Variants in RPL7L1 observed in about 807,000 individuals in gnomAD.
The protein encoded by RPL7L1 is ribosomal protein uL30-like.
RPL7L1 carries 20 observed loss-of-function variants against 30.3 expected under a neutral mutation model. That is an observed-to-expected ratio of 0.66 (90% CI 0.46 to 0.96). RPL7L1 has a LOEUF of 0.96. RPL7L1 is among the 40% of genes least tolerant of loss of function. The pLI, the probability that RPL7L1 is intolerant of heterozygous loss-of-function variation, is 0.00. For missense variants in RPL7L1, 271 were observed against 314.9 expected (o/e 0.86, Z 1.05); for synonymous variants, 107 against 110.1 (o/e 0.97, Z 0.18).
intron 4 of RPL7L1, among the ~76,000 whole-genome samples, chr6:42,885,301 G>A (rs568069290): frequency 4.4e-4 from 62 of 142,188 alleles, no homozygotes; most frequent in African/African-American, 1.5e-3. Context: ...AGTGAGCTGA[G>A]ATTGTGCCAC....
In RPL7L1 at chr6:42,886,614, G is replaced by A. The variant is rs1766277794; in HGVS notation, c.*150G>A. ...GAGGAGGCTGGTACAAATAGATGGAGACCTGCTGGGATCAGTGAATGCCTG... is the reference window on the plus strand; with the variant it reads ...GAGGAGGCTGGTACAAATAGATGGAAACCTGCTGGGATCAGTGAATGCCTG... On this transcript the variant is annotated 3_prime_UTR_variant, in exon 6 of 6. Transcript: ENST00000493763. The A allele has an allele frequency of 2.3e-5, 14 of 619,508 alleles. No individual in the cohort carries two copies. In the South Asian group the frequency reaches 2.3e-4, roughly 10 times the overall value. 38.4% of individuals were successfully genotyped at this position (619,508 alleles called of 1,614,324 possible). A position where few individuals can be genotyped will look rare whatever the true frequency, so the allele number is the denominator to read the frequency against.
At chr6:42,885,900 T>C in intron 4 of RPL7L1, 74 bp from the exon 5 acceptor site, 1 of 810,338 alleles carries the variant, frequency 1.2e-6, no homozygotes, top group South Asian at 1.4e-5. Context: ...CTCTCCAACC[T>C]CTCAGCCAGG....
rs1040675474 is a variant in RPL7L1, at chr6:42,880,809, G to C, written c.42-52G>C. On this transcript the variant is annotated intron_variant, in intron 1 of 5. Transcript: ENST00000493763. ...ATTACAGGCTTGAGCCACCGAGCCC[G>C]GCCAAGTGTTCTTTTCTAAATGTTA... 16 of 1,067,166 alleles carry C rather than the reference G, an allele frequency of 1.5e-5. No individual in the cohort carries two copies. In the African/African-American group the frequency reaches 1.6e-4, roughly 11 times the overall value. The allele number at this position is 1,067,166 out of a possible 1,614,324, so 66.1% of individuals were successfully genotyped here.
chr6:42,886,159 T>C, intron 5 of RPL7L1, 76 bp downstream of exon 5: 1 of 1,383,420 alleles, frequency 7.2e-7, no homozygotes, highest in Non-Finnish European at 1.0e-6. Context: ...ATTCAGGTTG[T>C]ATTCTTCTTG....
chr6:42,883,669 G>A (rs1766163688), intron 3 of RPL7L1, 55 bp downstream of exon 3: 6 of 1,434,148 alleles, frequency 4.2e-6, no homozygotes, highest in Non-Finnish European at 4.7e-6. Context: ...TGTTGCTTAA[G>A]CTTTAGACCC....
Position 42,886,389 on chromosome 6 carries a change from G to A in RPL7L1, c.693G>A (p.Val231=). 1 of 1,598,290 alleles carries A rather than the reference G, an allele frequency of 6.3e-7. No homozygotes were observed. Among genetic ancestry groups the A allele is most frequent in the South Asian group, 1.1e-5 (1 of 90,942 alleles). ...SVARHATKNR[V]GFLKEMGTPG... is the part of the protein sequence containing the mutation. ...CCCGTCATGCTACCAAAAATAGAGT[G>A]GGCTTCCTCAAGGAGATGGGCACAC... is the stretch of plus-strand genomic sequence containing the variant. Residue 231 remains valine (V), a synonymous_variant, in exon 6 of 6, where the codon GTG becomes GTA. Coordinates refer to ENST00000493763, the MANE Select transcript of RPL7L1 (RefSeq NM_001366481.3).
chr6:42,884,012 G>GAGA (rs1414626119), intron 3 of RPL7L1: 1 of 157,040 alleles, frequency 6.4e-6, no homozygotes, highest in African/African-American at 2.4e-5. Context: ...CAGTGAAGGG[G>GAGA]AGACATTTTT....
Position 42,884,610 on chromosome 6 carries a change from C to T in RPL7L1, c.312-3C>T. On this transcript the variant is annotated splice_polypyrimidine_tract_variant and splice_region_variant and intron_variant, in intron 3 of 5. Coordinates refer to ENST00000493763, the MANE Select transcript of RPL7L1 (RefSeq NM_001366481.3). The stretch of plus-strand genomic sequence containing the variant: ...GTCTGACTTCTGTTGCTGTTCATTT[C>T]AGGATTGACGGCGTGAGTTTACTGG... The T allele has an allele frequency of 6.2e-7, 1 of 1,611,654 alleles. No homozygotes were observed. The highest frequency in any genetic ancestry group is 2.2e-5 in the East Asian group (1 of 44,880).
chr6:42,881,476 AAAT>A (rs1766078934), intron 2 of RPL7L1: 1 of 152,096 alleles, frequency 6.6e-6, no homozygotes, highest in African/African-American at 2.4e-5. Flanking sequence ...AAAAATAAAT[AAAT>A]AAATAAATAA....
chr6:42,879,864 C>G lies in RPL7L1; in HGVS notation c.-47C>G. 3.7e-6 allele frequency: 6 copies of G among 1,604,926 alleles called. No homozygotes were observed. Among genetic ancestry groups the G allele is most frequent in the Non-Finnish European group, 5.1e-6 (6 of 1,172,778 alleles). ...GAGCTAGAACAGACGTCTCTATGGT[C>G]AAGTAAACAGAGCGTGTGCTGTCTT... On this transcript the variant is annotated 5_prime_UTR_variant, in exon 1 of 6. Transcript: ENST00000493763.
intron 2 of RPL7L1, 167 bp from the exon 3 acceptor site, chr6:42,883,284 C>G (rs1249415486): frequency 2.1e-6 from 1 of 476,552 alleles, no homozygotes; most frequent in African/African-American, 2.0e-5. Flanking sequence ...TCCACCTTTA[C>G]TTTGGTTTCT....
Position 42,885,882 on chromosome 6 carries a change from G to T in RPL7L1, c.450-92G>T, listed in dbSNP as rs925390203. On this transcript the variant is annotated intron_variant, in intron 4 of 5. Coordinates refer to ENST00000493763, the MANE Select transcript of RPL7L1 (RefSeq NM_001366481.3). ...TGCTCGTTGGGAGAAGTGAGTGTGT[G>T]GGAGAACCTCTCCAACCTCTCAGCC... 9.7e-6 allele frequency: 7 copies of T among 725,072 alleles called. No individual in the cohort carries two copies. The Admixed American group carries it at 1.3e-4, about 14-fold the overall frequency. The allele number at this position is 725,072 out of a possible 1,614,324, so 44.9% of individuals were successfully genotyped here.
At chr6:42,883,761 T>C in intron 3 of RPL7L1, 147 bp downstream of exon 3, 1 of 576,092 alleles carries the variant, frequency 1.7e-6, no homozygotes, top group Non-Finnish European at 3.0e-6. Flanking sequence ...TAGTCTGCAA[T>C]ATTTGGAAGA....
intron 2 of RPL7L1, chr6:42,883,223 A>G (rs1407522828): frequency 2.6e-6 from 1 of 377,422 alleles, no homozygotes; most frequent in Admixed American, 4.3e-5. Context: ...TTAATATGTA[A>G]ACTAATTTTT....
chr6:42,883,143 T>C (rs947742658), intron 2 of RPL7L1: 2 of 209,730 alleles, frequency 9.5e-6, no homozygotes, highest in Admixed American at 5.4e-5. Context: ...ATGTCTTCAT[T>C]TAGCAAATAT....
At chr6:42,880,802 C>A in intron 1 of RPL7L1, 59 bp from the exon 2 acceptor site, 1 of 990,366 alleles carries the variant, frequency 1.0e-6, no homozygotes, top group Non-Finnish European at 1.6e-6. Context: ...CTTGAGCCAC[C>A]GAGCCCGGCC....
At position 42,886,441 on chromosome 6, in the gene RPL7L1, C is replaced by T; in HGVS notation, c.745C>T (p.Gln249Ter). 1 of 1,568,850 alleles carries T rather than the reference C, an allele frequency of 6.4e-7. No homozygotes were observed. The highest frequency in any genetic ancestry group is 8.7e-7 in the Non-Finnish European group (1 of 1,154,654). The change falls in exon 6 of 6, where the codon CAG becomes TAG. Residue 249 changes from glutamine to a stop codon, truncating the protein, a stop_gained. Transcript: ENST00000493763. LOFTEE classifies it high-confidence loss of function. ...TPGYRGERINQLIRQLN is the reference protein window; with the variant it reads ...TPGYRGERIN ...TGGCTATCGGGGTGAACGCATCAAT[C>T]AGCTCATCCGTCAGCTGAACTAGAC... is the stretch of plus-strand genomic sequence containing the variant.
chr6:42,884,437 T>C (rs1364460267), intron 3 of RPL7L1, among the ~76,000 whole-genome samples, 176 bp from the exon 4 acceptor site: 1 of 152,174 alleles, frequency 6.6e-6, no homozygotes, highest in East Asian at 1.9e-4. Context: ...CAGGCACTGC[T>C]CCACATTATG....
chr6:42,886,872 T>TAGTCCC lies in RPL7L1; in HGVS notation c.*411_*416dup, dbSNP rs1415404885. The stretch of plus-strand genomic sequence containing the variant: ...AGCTGGGTGTGGTGGCGCGTGCCTG[T>TAGTCCC]AGTCCCAGCTACTCGAGAGGCTAAG... On this transcript the variant is annotated 3_prime_UTR_variant, in exon 6 of 6. Coordinates refer to ENST00000493763, the MANE Select transcript of RPL7L1 (RefSeq NM_001366481.3). 5.8e-6 allele frequency: 1 copy of TAGTCCC among 172,982 alleles called. No homozygotes were observed. The highest frequency in any genetic ancestry group is 1.3e-5 in the Non-Finnish European group (1 of 79,860). 10.7% of individuals were successfully genotyped at this position (172,982 alleles called of 1,614,324 possible).
Sources: gnomAD v4.1 joint callset for allele counts (sites outside exome capture counted in the v4.1 genomes callset) on GRCh38, gnomAD v4.1.1 for gene constraint, MANE v1.5 for transcripts, NCBI Gene and HGNC (gene_info 2026-07-23, HGNC 2026-07-21) for gene names.